Variants in ACSS3 observed in about 807,000 individuals in gnomAD.
ACSS3 encodes the protein acyl-CoA synthetase short chain family member 3.
Under a neutral mutation model 84.2 loss-of-function variants are expected in ACSS3, and 64 were observed. That is an observed-to-expected ratio of 0.76 (90% confidence interval 0.62 to 0.94). The LOEUF (loss-of-function observed/expected upper bound fraction) is 0.94. Among genes scored for constraint, ACSS3 ranks in the 40% least tolerant of loss-of-function variants. The pLI, the probability that ACSS3 is intolerant of heterozygous loss-of-function variation, is 0.00. For synonymous variants in ACSS3, 317 were observed against 310.1 expected (o/e 1.02, Z -0.23); for missense variants, 815 against 867.6 (o/e 0.94, Z 0.76).
intron 8 of ACSS3, 109 bp downstream of exon 8, chr12:81,175,048 A>T: frequency 8.3e-7 from 1 of 1,208,608 alleles, no homozygotes; most frequent in Non-Finnish European, 1.1e-6. Context: ...AAGAGCCAAA[A>T]GATTCAGAGT....
chr12:81,236,082 C>A (rs879938147), intron 13 of ACSS3, among the ~76,000 whole-genome samples: 2 of 151,416 alleles, frequency 1.3e-5, no homozygotes, highest in Non-Finnish European at 3.0e-5. Context: ...ATGGTGCTAA[C>A]TGTAGGTATT....
chr12:81,189,310 C>T (rs893526094), intron 8 of ACSS3, among the ~76,000 whole-genome samples: 2 of 152,126 alleles, frequency 1.3e-5, no homozygotes, highest in African/African-American at 4.8e-5. Context: ...CCAATTTACA[C>T]ACTCACTTGC....
chr12:81,240,149 A>G (rs2033749119), intron 13 of ACSS3, among the ~76,000 whole-genome samples: 1 of 151,950 alleles, frequency 6.6e-6, no homozygotes, highest in Non-Finnish European at 1.5e-5. Context: ...GTGGATCTGT[A>G]AATTTCCAAC....
chr12:81,123,465 A>G (rs1006239355), intron 2 of ACSS3, among the ~76,000 whole-genome samples: 12 of 152,182 alleles, frequency 7.9e-5, no homozygotes, highest in Non-Finnish European at 1.3e-4. Context: ...CACAATACCT[A>G]TTTAAATACC....
chr12:81,233,565 C>T lies in ACSS3; in HGVS notation c.1719+94C>T, dbSNP rs1192594403. The T allele has an allele frequency of 7.5e-6, 11 of 1,466,886 alleles. No individual in the cohort carries two copies. In the South Asian group the frequency reaches 9.1e-5, roughly 12 times the overall value. 90.9% of individuals were successfully genotyped at this position (1,466,886 alleles called of 1,614,324 possible). ...GAGGTTATTTCACTTGGAAAATTAC[C>T]ACACCCTTCATTTGCAGCAGAGGCT... On this transcript the variant is annotated intron_variant, in intron 13 of 15. Transcript: ENST00000548058.
intron 1 of ACSS3, among the ~76,000 whole-genome samples, chr12:81,105,232 T>C (rs1921347): frequency 0.89 from 133,751 of 150,490 alleles, 60,543 homozygotes; most frequent in Non-Finnish European, 0.99. Context: ...TATGAACACA[T>C]TCAAAACAAT....
At chr12:81,179,140 A>C (rs1319948832) in intron 8 of ACSS3, among the ~76,000 whole-genome samples, 1 of 152,038 alleles carries the variant, frequency 6.6e-6, no homozygotes, top group African/African-American at 2.4e-5. Context: ...TACAAAAATC[A>C]ACTCATCATG....
intron 8 of ACSS3, among the ~76,000 whole-genome samples, chr12:81,184,770 A>C (rs548683751): frequency 5.9e-4 from 90 of 151,884 alleles, no homozygotes; most frequent in Admixed American, 3.3e-4. Context: ...AGAAAAGCCC[A>C]AAACCAGATG....
At chr12:81,089,494 C>A (rs1267807624) in intron 1 of ACSS3, among the ~76,000 whole-genome samples, 9 of 151,994 alleles carry the variant, frequency 5.9e-5, no homozygotes, top group African/African-American at 1.9e-4. Context: ...GTGTCTCTCA[C>A]CTGTGTTATT....
chr12:81,100,683 G>C (rs750237214), intron 1 of ACSS3, among the ~76,000 whole-genome samples: 1 of 152,160 alleles, frequency 6.6e-6, no homozygotes, highest in African/African-American at 2.4e-5. Flanking sequence ...GGTATTTCTC[G>C]CTCATCCTAC....
At chr12:81,100,904 A>C (rs1882458697) in intron 1 of ACSS3, among the ~76,000 whole-genome samples, 1 of 152,194 alleles carries the variant, frequency 6.6e-6, no homozygotes, top group African/African-American at 2.4e-5. Flanking sequence ...AGAAAGCGAC[A>C]TGGCCATGCC....
intron 9 of ACSS3, among the ~76,000 whole-genome samples, chr12:81,204,105 G>A (rs2032232767): frequency 6.6e-6 from 1 of 152,032 alleles, no homozygotes; most frequent in Non-Finnish European, 1.5e-5. Flanking sequence ...AGAACTGTCA[G>A]TGCAGTGCAT....
chr12:81,254,670 A>T (rs2034251585), intron 15 of ACSS3, among the ~76,000 whole-genome samples, 187 bp from the exon 16 acceptor site: 1 of 152,128 alleles, frequency 6.6e-6, no homozygotes, highest in South Asian at 2.1e-4. Context: ...TGAACTGTTT[A>T]TTTTTTTACT....
chr12:81,131,743 G>C (rs756595486), intron 2 of ACSS3, among the ~76,000 whole-genome samples: 1 of 152,128 alleles, frequency 6.6e-6, no homozygotes, highest in Non-Finnish European at 1.5e-5. Context: ...TGGCCATTCG[G>C]TATGATATTG....
chr12:81,220,553 C>G (rs959894257), intron 11 of ACSS3, among the ~76,000 whole-genome samples: 1 of 151,914 alleles, frequency 6.6e-6, no homozygotes, highest in Non-Finnish European at 1.5e-5. Flanking sequence ...AAATAGTGAA[C>G]ATAGTACTCA....
intron 13 of ACSS3, among the ~76,000 whole-genome samples, chr12:81,251,691 A>AAAAAAAAAAAAAAAAAAAAC: frequency 6.6e-6 from 1 of 151,288 alleles, no homozygotes. Flanking sequence ...AAAATACAAA[A>AAAAAAAAAAAAAAAAAAAAC]ATTTAGCCAG....
chr12:81,167,418 T>A (rs1887453604), intron 7 of ACSS3, among the ~76,000 whole-genome samples: 1 of 152,154 alleles, frequency 6.6e-6, no homozygotes. Context: ...GGGTAATTTA[T>A]ATAGAACAGA....
intron 7 of ACSS3, among the ~76,000 whole-genome samples, chr12:81,156,995 T>C (rs1886908302): frequency 6.6e-6 from 1 of 152,162 alleles, no homozygotes; most frequent in African/African-American, 2.4e-5. Flanking sequence ...ACTCTCCTTA[T>C]CATTTAATGA....
chr12:81,112,089 T>A (rs1334367546), intron 2 of ACSS3, among the ~76,000 whole-genome samples: 2 of 152,170 alleles, frequency 1.3e-5, no homozygotes, highest in Non-Finnish European at 2.9e-5. Context: ...CATTCCATTA[T>A]AAGAGATAAT....
Sources: gnomAD v4.1 joint callset for allele counts (sites outside exome capture counted in the v4.1 genomes callset) on GRCh38, gnomAD v4.1.1 for gene constraint, MANE v1.5 for transcripts, NCBI Gene and HGNC (gene_info 2026-07-23, HGNC 2026-07-21) for gene names.